HDAC9: variants seen among roughly 807,000 people sequenced by gnomAD.
The protein encoded by HDAC9 is histone deacetylase 9.
Under a neutral mutation model 139.4 loss-of-function variants are expected in HDAC9, and 41 were observed. The observed-to-expected ratio is 0.29, with a 90% CI of 0.23 to 0.38. The LOEUF (loss-of-function observed/expected upper bound fraction) is 0.38, where lower values mean the gene tolerates loss of function less well. Ranked by LOEUF, HDAC9 falls within the 10% of genes least tolerant of loss-of-function variation. The pLI is 1.00. For synonymous variants in HDAC9, 517 were observed against 476.2 expected, an observed-to-expected ratio of 1.09 and a Z score of -1.12; for missense variants, 1,147 against 1,297.0, an observed-to-expected ratio of 0.88 and a Z score of 1.78.
rs534225871 is a variant in HDAC9 at position 18,274,736 on chromosome 7, A to C, written c.25+112387A>C. Among the ~76,000 whole-genome samples the C allele has an allele frequency of 6.6e-5, 10 of 152,374 alleles. No homozygotes were observed. The East Asian group carries it at 1.9e-3, about 29-fold the overall frequency. On this transcript the variant is annotated intron_variant, in intron 2 of 12. Coordinates refer to the HDAC9 transcript ENST00000417496. The stretch of plus-strand genomic sequence containing the variant: ...ATATTGTCATGGACAAATCTCAAAA[A>C]TATGTTTAGGAAAAATAAGTTGCAG...
At chr7:18,721,848 C>A (rs1213289963) in intron 12 of HDAC9, among the ~76,000 whole-genome samples, 2 of 152,172 alleles carry the variant, frequency 1.3e-5, no homozygotes, top group African/African-American at 4.8e-5. Flanking sequence ...TAGCAGGCCA[C>A]CCCCAAGAAA....
chr7:18,299,162 A>AT (rs561089840), intron 1 of HDAC9, among the ~76,000 whole-genome samples: 1 of 151,764 alleles, frequency 6.6e-6, no homozygotes, highest in Non-Finnish European at 1.5e-5. Flanking sequence ...CAAGAGTAAG[A>AT]TTTTTTTAAA....
At chr7:18,202,383 AT>A (rs1010296454) in intron 2 of HDAC9, among the ~76,000 whole-genome samples, 207 of 151,628 alleles carry the variant, frequency 1.4e-3, no homozygotes, top group Non-Finnish European at 2.1e-3. Flanking sequence ...ATATTAAGGG[AT>A]TTTTTTTTCC....
chr7:18,713,253 C>A (rs1430928819), intron 12 of HDAC9, among the ~76,000 whole-genome samples: 1 of 152,028 alleles, frequency 6.6e-6, no homozygotes, highest in Non-Finnish European at 1.5e-5. Context: ...AATCTGCATA[C>A]CTTTGGTTGC....
At chr7:18,334,006 A>G (rs1781404882) in intron 1 of HDAC9, among the ~76,000 whole-genome samples, 1 of 151,464 alleles carries the variant, frequency 6.6e-6, no homozygotes, top group Admixed American at 6.6e-5. Context: ...GACTACTTAT[A>G]ATTTCAGAGT....
intron 1 of HDAC9, among the ~76,000 whole-genome samples, chr7:18,434,944 T>G (rs1791034923): frequency 2.0e-5 from 3 of 151,838 alleles, no homozygotes; most frequent in Admixed American, 6.6e-5. Context: ...TGAACTTGTA[T>G]GTTTGTCACA....
At chr7:18,169,965 G>A (rs1176408393) in intron 2 of HDAC9, among the ~76,000 whole-genome samples, 1 of 152,130 alleles carries the variant, frequency 6.6e-6, no homozygotes, top group Non-Finnish European at 1.5e-5. Context: ...AATCCTTTGG[G>A]TATATACTCA....
chr7:18,108,658 G>C (rs1319144874), intron 1 of HDAC9, among the ~76,000 whole-genome samples: 1 of 145,222 alleles, frequency 6.9e-6, no homozygotes, highest in Non-Finnish European at 1.5e-5. Flanking sequence ...CTCTTGCCCA[G>C]GCTGGAGTGG....
chr7:18,106,184 A>G (rs1051654421), intron 1 of HDAC9, among the ~76,000 whole-genome samples: 1 of 152,218 alleles, frequency 6.6e-6, no homozygotes, highest in Non-Finnish European at 1.5e-5. Flanking sequence ...ACTGAATTAT[A>G]TAGATTAAAA....
chr7:18,162,282 G>T (rs766498694), exon 2 of HDAC9: 2 of 1,529,524 alleles, frequency 1.3e-6, no homozygotes. Context: ...AACGACAAAG[G>T]CTGTGAATCT....
intron 2 of HDAC9, among the ~76,000 whole-genome samples, chr7:18,251,136 G>T (rs76877845): frequency 6.6e-6 from 1 of 152,188 alleles, no homozygotes; most frequent in Non-Finnish European, 1.5e-5. Flanking sequence ...ATTGGATAGA[G>T]AAATTATGGT....
intron 1 of HDAC9, among the ~76,000 whole-genome samples, chr7:18,154,964 G>A (rs1191024916): frequency 6.6e-6 from 1 of 152,080 alleles, no homozygotes; most frequent in Non-Finnish European, 1.5e-5. Context: ...CTGCTGCACA[G>A]GTATCAGAGG....
At chr7:18,704,832 A>G (rs1226530764) in intron 12 of HDAC9, among the ~76,000 whole-genome samples, 4 of 152,230 alleles carry the variant, frequency 2.6e-5, no homozygotes, top group Non-Finnish European at 5.9e-5. Flanking sequence ...ACTTTAATAA[A>G]CTAAAAAAGA....
At chr7:18,355,062 C>T (rs1783149690) in intron 1 of HDAC9, among the ~76,000 whole-genome samples, 1 of 152,170 alleles carries the variant, frequency 6.6e-6, no homozygotes, top group Non-Finnish European at 1.5e-5. Flanking sequence ...CAAATCCAGT[C>T]TTTATTCTCA....
At chr7:18,537,709 A>G (rs1438978382) in intron 2 of HDAC9, among the ~76,000 whole-genome samples, 1 of 152,184 alleles carries the variant, frequency 6.6e-6, no homozygotes, top group African/African-American at 2.4e-5. Flanking sequence ...ATTTTTGTAT[A>G]TGGAGGGAAT....
intron 2 of HDAC9, among the ~76,000 whole-genome samples, chr7:18,566,032 C>G (rs1822229089): frequency 6.6e-6 from 1 of 151,952 alleles, no homozygotes; most frequent in South Asian, 2.1e-4. Flanking sequence ...ATAGTAAAAA[C>G]TTTTTAAGTG....
intron 22 of HDAC9, among the ~76,000 whole-genome samples, chr7:18,879,987 C>T (rs999018887): frequency 2.6e-5 from 4 of 151,776 alleles, no homozygotes; most frequent in South Asian, 2.1e-4. Flanking sequence ...CCCATTAAAA[C>T]GTGGGGAAAG....
chr7:18,887,463 C>G (rs1441814396), intron 22 of HDAC9, among the ~76,000 whole-genome samples: 2 of 152,104 alleles, frequency 1.3e-5, no homozygotes. Context: ...TCTTGATGTT[C>G]TTTTTATTCC....
intron 12 of HDAC9, among the ~76,000 whole-genome samples, chr7:18,710,391 T>C (rs571378396): frequency 3.3e-4 from 51 of 152,330 alleles, no homozygotes; most frequent in Admixed American, 2.0e-3. Flanking sequence ...ATTCAAAATC[T>C]TAAATGCAAG....
Sources: gnomAD v4.1 joint callset for allele counts (sites outside exome capture counted in the v4.1 genomes callset) on GRCh38, gnomAD v4.1.1 for gene constraint, MANE v1.5 for transcripts, NCBI Gene and HGNC (gene_info 2026-07-23, HGNC 2026-07-21) for gene names.